The following SPCS2 variants were observed in gnomAD, a reference collection of about 807,000 sequenced individuals.
SPCS2 encodes SPase 25 kDa subunit.
A neutral mutation model predicts 22.3 loss-of-function variants in SPCS2; 3 were observed. That is an observed-to-expected ratio of 0.13 (90% CI 0.06 to 0.35). The LOEUF (loss-of-function observed/expected upper bound fraction) is 0.35. Ranked by LOEUF, SPCS2 falls within the 10% of genes least tolerant of loss-of-function variation. SPCS2 has a pLI of 1.00. For synonymous variants in SPCS2, 67 were observed against 97.2 expected (o/e 0.69, Z 1.83); for missense variants, 169 against 280.9 (o/e 0.60, Z 2.85).
At chr11:74,975,464 C>T (rs529527095) in intron 4 of SPCS2, among the ~76,000 whole-genome samples, 7 of 152,238 alleles carry the variant, frequency 4.6e-5, no homozygotes, top group Non-Finnish European at 8.8e-5. Context: ...AACTGCCTGT[C>T]ACATATAGGT....
intron 1 of SPCS2, among the ~76,000 whole-genome samples, chr11:74,954,323 C>T (rs550912340): frequency 6.6e-6 from 1 of 152,226 alleles, no homozygotes; most frequent in South Asian, 2.1e-4. Flanking sequence ...GTAACACTTA[C>T]AGAACCTGGC....
intron 3 of SPCS2, among the ~76,000 whole-genome samples, chr11:74,966,882 C>T (rs1370760541): frequency 6.6e-6 from 1 of 152,116 alleles, no homozygotes; most frequent in Non-Finnish European, 1.5e-5. Context: ...CCCACCTCAA[C>T]CTCCTGAGTA....
At chr11:74,958,054 A>G (rs747304917) in intron 1 of SPCS2, among the ~76,000 whole-genome samples, 76 of 152,214 alleles carry the variant, frequency 5.0e-4, no homozygotes, top group Admixed American at 2.0e-3. Flanking sequence ...TCATGGATCC[A>G]GTGATCTGGC....
chr11:74,963,561 T>G (rs1948526721), intron 1 of SPCS2: 1 of 427,070 alleles, frequency 2.3e-6, no homozygotes, highest in African/African-American at 2.2e-5. Flanking sequence ...GTTTGTTTGT[T>G]TGTTTGTTTA....
intron 1 of SPCS2, among the ~76,000 whole-genome samples, chr11:74,955,297 A>T (rs761415970): frequency 6.6e-6 from 1 of 152,224 alleles, no homozygotes; most frequent in Admixed American, 6.5e-5. Context: ...TAACACAGTT[A>T]TCATAATGGC....
At chr11:74,961,364 G>A (rs1413955204) in intron 1 of SPCS2, among the ~76,000 whole-genome samples, 1 of 152,124 alleles carries the variant, frequency 6.6e-6, no homozygotes, top group African/African-American at 2.4e-5. Flanking sequence ...TATTTGCCCA[G>A]TGCCTTCCAG....
At chr11:74,969,477 C>A in intron 3 of SPCS2, 88 bp from the exon 4 acceptor site, 3 of 1,284,568 alleles carry the variant, frequency 2.3e-6, no homozygotes, top group African/African-American at 1.5e-5. Context: ...TTAGGACTAT[C>A]ATTATGAAAG....
intron 1 of SPCS2, among the ~76,000 whole-genome samples, chr11:74,954,447 G>C (rs1221584375): frequency 2.0e-5 from 3 of 152,212 alleles, no homozygotes; most frequent in Admixed American, 2.0e-4. Context: ...ATGAGCATCT[G>C]TTGTGAGGTG....
At chr11:74,954,143 G>A (rs1307606669) in intron 1 of SPCS2, among the ~76,000 whole-genome samples, 1 of 152,062 alleles carries the variant, frequency 6.6e-6, no homozygotes, top group East Asian at 1.9e-4. Flanking sequence ...GTCTCTTCTG[G>A]TTCTGACATT....
At chr11:74,972,421 T>C (rs1948589922) in intron 4 of SPCS2, among the ~76,000 whole-genome samples, 1 of 152,220 alleles carries the variant, frequency 6.6e-6, no homozygotes, top group Non-Finnish European at 1.5e-5. Flanking sequence ...CACATGGAGC[T>C]ATAATTATTT....
Position 74,969,546 on chromosome 11 carries a change from C to A in SPCS2, c.360-19C>A. ...TTCTCTTTTATGTTTGGGTATTTTC[C>A]CCTTAACTTTATTTGAACCTATTTT... On this transcript the variant is annotated intron_variant, in intron 3 of 4. Transcript: ENST00000263672. 6.2e-7 allele frequency: 1 copy of A among 1,609,146 alleles called. No homozygotes were observed. Among genetic ancestry groups the A allele is most frequent in the Non-Finnish European group, 8.5e-7 (1 of 1,177,082 alleles).
chr11:74,965,087 G>T lies in SPCS2; in HGVS notation c.168G>T (p.Val56=). 1.3e-6 allele frequency: 2 copies of T among 1,551,234 alleles called. No homozygotes were observed. Among genetic ancestry groups the T allele is most frequent in the Non-Finnish European group, 1.7e-6 (2 of 1,146,564 alleles). ...VKIDKWDGSA[V]KNSLDDSAKK... is the part of the protein sequence containing the mutation. ...TTGACAAGTGGGATGGATCAGCTGT[G>T]AAAAACTCTTTGGATGATTCTGCCA... is the stretch of plus-strand genomic sequence containing the variant. The change falls in exon 2 of 5, where the codon GTG becomes GTT. Residue 56 remains valine (V), a synonymous_variant. Transcript: ENST00000263672.
chr11:74,958,633 C>T (rs1948492985), intron 1 of SPCS2, among the ~76,000 whole-genome samples: 1 of 152,144 alleles, frequency 6.6e-6, no homozygotes, highest in Non-Finnish European at 1.5e-5. Flanking sequence ...GGGTATTTAT[C>T]CTTTTTCCTC....
At chr11:74,973,841 C>T (rs1341542047) in intron 4 of SPCS2, among the ~76,000 whole-genome samples, 1 of 152,160 alleles carries the variant, frequency 6.6e-6, no homozygotes, top group East Asian at 1.9e-4. Context: ...TATCTAAGGC[C>T]TTCCCTCCCT....
rs142254046 is a variant in SPCS2, at chr11:74,960,442, G to A, written c.115-4592G>A. ...AAATTGCAGTTGGTTTTACATTGGGGGGGGAGGTTCAACATTTTTGATACC... is the reference window on the plus strand; with the variant it reads ...AAATTGCAGTTGGTTTTACATTGGGAGGGGAGGTTCAACATTTTTGATACC... On this transcript the variant is annotated intron_variant, in intron 1 of 4. Coordinates refer to ENST00000263672, the MANE Select transcript of SPCS2 (RefSeq NM_014752.3). Among the ~76,000 whole-genome samples, 205 of 152,124 alleles carry A rather than the reference G, an allele frequency of 1.3e-3. 1 individual carries two copies. Among genetic ancestry groups the A allele is most frequent in the African/African-American group, 4.8e-3 (198 of 41,518 alleles).
At chr11:74,972,878 T>TTA (rs529537778) in intron 4 of SPCS2, among the ~76,000 whole-genome samples, 218 of 141,530 alleles carry the variant, frequency 1.5e-3, no homozygotes, top group Admixed American at 5.6e-3. Flanking sequence ...TATTAATGTT[T>TTA]TATATATATA....
intron 1 of SPCS2, among the ~76,000 whole-genome samples, chr11:74,957,783 T>C (rs537416506): frequency 3.0e-4 from 46 of 152,340 alleles, no homozygotes; most frequent in Non-Finnish European, 6.5e-4. Context: ...CCATTTTTTT[T>C]GTATATCTGA....
At chr11:74,955,256 T>C (rs1201338419) in intron 1 of SPCS2, among the ~76,000 whole-genome samples, 1 of 152,186 alleles carries the variant, frequency 6.6e-6, no homozygotes, top group Non-Finnish European at 1.5e-5. Context: ...AAAATGTGTG[T>C]CCACAGGAAA....
intron 1 of SPCS2, among the ~76,000 whole-genome samples, chr11:74,954,058 C>T (rs1174005391): frequency 6.6e-6 from 1 of 152,136 alleles, no homozygotes; most frequent in East Asian, 1.9e-4. Context: ...CATTTTTCTT[C>T]ACATGTCTCT....
Sources: gnomAD v4.1 joint callset for allele counts (sites outside exome capture counted in the v4.1 genomes callset) on GRCh38, gnomAD v4.1.1 for gene constraint, MANE v1.5 for transcripts, NCBI Gene and HGNC (gene_info 2026-07-23, HGNC 2026-07-21) for gene names.